Variants in SULT1C2 observed in about 807,000 individuals in gnomAD.
The protein encoded by SULT1C2 is sulfotransferase family 1C member 2.
Under a neutral mutation model 36.0 loss-of-function variants are expected in SULT1C2, and 27 were observed. That is an observed-to-expected ratio of 0.75 (90% CI 0.55 to 1.03). The LOEUF is 1.03. Among genes scored for constraint, SULT1C2 ranks in the 50% least tolerant of loss-of-function variants. The pLI is 0.00. For missense variants in SULT1C2, 395 were observed against 359.2 expected (o/e 1.10, Z -0.80); for synonymous variants, 121 against 116.0 (o/e 1.04, Z -0.27).
At chr2:108,294,900 T>C (rs1036957800) in intron 3 of SULT1C2, among the ~76,000 whole-genome samples, 5 of 152,262 alleles carry the variant, frequency 3.3e-5, no homozygotes, top group Middle Eastern at 3.4e-3. Flanking sequence ...TAAAGAAAGC[T>C]AAAAAATATA....
At chr2:108,305,944 A>T (rs1334078822) in intron 7 of SULT1C2, among the ~76,000 whole-genome samples, 1 of 152,236 alleles carries the variant, frequency 6.6e-6, no homozygotes, top group Non-Finnish European at 1.5e-5. Context: ...CTCAGGGTCC[A>T]GGACTCAGCA....
At position 108,300,937 on chromosome 2, in the gene SULT1C2, T is replaced by G; in HGVS notation, c.375+2T>G. On this transcript the variant is annotated splice_donor_variant, in intron 4 of 7. Coordinates refer to ENST00000251481, the MANE Select transcript of SULT1C2 (RefSeq NM_001056.4). LOFTEE classifies it high-confidence loss of function. ...TCTTTCTGGGAAAACAACTGCAAGG[T>G]AAGATACCAACAGCTCCCTGTGACA... The G allele has an allele frequency of 6.2e-7, 1 of 1,614,064 alleles. No homozygotes were observed. The highest frequency in any genetic ancestry group is 1.1e-5 in the South Asian group (1 of 91,064).
At chr2:108,305,635 T>C in intron 7 of SULT1C2, 40 bp downstream of exon 7, 1 of 1,610,150 alleles carries the variant, frequency 6.2e-7, no homozygotes, top group Non-Finnish European at 8.5e-7. Context: ...GATTGTCTCG[T>C]AACATCCTGT....
intron 6 of SULT1C2, 23 bp from the exon 7 acceptor site, chr2:108,305,392 G>A: frequency 6.2e-7 from 1 of 1,612,566 alleles, no homozygotes. Flanking sequence ...ATTCATTCCA[G>A]TCCAATGTTA....
Position 108,293,815 on chromosome 2 carries a change from G to C in SULT1C2, c.148G>C (p.Ala50Pro). 6.2e-7 allele frequency: 1 copy of C among 1,613,630 alleles called. No individual in the cohort carries two copies. Among genetic ancestry groups the C allele is most frequent in the Non-Finnish European group, 8.5e-7 (1 of 1,179,842 alleles). The part of the protein sequence containing the change: ...DDLLICTYPK[A>P]GTTWIQEIVD... ...TCTCCTCATCTGCACCTACCCTAAA[G>C]CAGGTGATTGCAGGGTAGGAGGGAC... The change falls in exon 2 of 8, where the codon GCA (alanine) becomes CCA (proline). Residue 50 changes from alanine (A) to proline (P), a missense_variant. By Grantham distance (27) the Ala-to-Pro change is conservative. Coordinates refer to ENST00000251481, the MANE Select transcript of SULT1C2 (RefSeq NM_001056.4).
chr2:108,300,489 A>G, intron 3 of SULT1C2: 1 of 363,308 alleles, frequency 2.8e-6, no homozygotes, highest in Non-Finnish European at 4.9e-6. Flanking sequence ...AGCCTGCTGC[A>G]GGCACATGGG....
intron 3 of SULT1C2, among the ~76,000 whole-genome samples, chr2:108,294,912 C>T (rs1676685930): frequency 1.3e-5 from 2 of 152,082 alleles, no homozygotes; most frequent in South Asian, 2.1e-4. Context: ...AAAAATATAA[C>T]CAGAATGCTA....
At chr2:108,296,232 T>A (rs1054516911) in intron 3 of SULT1C2, among the ~76,000 whole-genome samples, 1 of 152,074 alleles carries the variant, frequency 6.6e-6, no homozygotes, top group Non-Finnish European at 1.5e-5. Context: ...GAGAGCAGAG[T>A]GTTCAATCAC....
intron 4 of SULT1C2, 200 bp from the exon 5 acceptor site, chr2:108,304,374 C>G: frequency 2.1e-6 from 1 of 479,050 alleles, no homozygotes; most frequent in East Asian, 3.4e-5. Flanking sequence ...ATTAAAAGGA[C>G]TGAGTTTGAA....
intron 3 of SULT1C2, 92 bp downstream of exon 3, chr2:108,294,446 C>CCCCA (rs1491295828): frequency 8.0e-6 from 5 of 623,262 alleles, no homozygotes; most frequent in Non-Finnish European, 1.2e-5. Context: ...CTCTTCTCTC[C>CCCCA]TCTCTCTCTC....
At chr2:108,294,437 T>G (rs957931063) in intron 3 of SULT1C2, 83 bp downstream of exon 3, 18 of 1,481,708 alleles carry the variant, frequency 1.2e-5, no homozygotes, top group Non-Finnish European at 1.6e-5. Context: ...ACTTTTCTCC[T>G]CTTCTCTCCT....
At chr2:108,304,726 G>C in intron 5 of SULT1C2, 26 bp downstream of exon 5, 1 of 1,593,874 alleles carries the variant, frequency 6.3e-7, no homozygotes, top group Non-Finnish European at 8.5e-7. Context: ...TCACACCCTT[G>C]CATTCTCACT....
chr2:108,305,229 A>G lies in SULT1C2; in HGVS notation c.560A>G (p.His187Arg), dbSNP rs896511076. ...VKGWWEMKDR[H>R]QILFLFYEDI... ...GGATGGTGGGAGATGAAAGACAGAC[A>G]CCAGATTCTCTTCCTCTTCTATGAG... Residue 187 changes from histidine to arginine, a missense_variant, in exon 6 of 8, where the codon CAC becomes CGC. By Grantham distance (29) the His-to-Arg change is conservative. Transcript: ENST00000251481. 3.7e-6 allele frequency: 6 copies of G among 1,614,200 alleles called. No individual in the cohort carries two copies. Among genetic ancestry groups the G allele is most frequent in the Non-Finnish European group, 5.1e-6 (6 of 1,180,034 alleles).
At chr2:108,304,234 A>G (rs1676962554) in intron 4 of SULT1C2, 1 of 175,580 alleles carries the variant, frequency 5.7e-6, no homozygotes. Flanking sequence ...AGGGGTCATC[A>G]GTTTACGTTG....
At chr2:108,304,744 G>C in intron 5 of SULT1C2, 44 bp downstream of exon 5, 1 of 1,580,720 alleles carries the variant, frequency 6.3e-7, no homozygotes, top group Non-Finnish European at 8.6e-7. Context: ...ACTCCAGCTA[G>C]GCTGGGTCTA....
At chr2:108,297,698 G>A (rs1340219206) in intron 3 of SULT1C2, among the ~76,000 whole-genome samples, 1 of 152,160 alleles carries the variant, frequency 6.6e-6, no homozygotes, top group African/African-American at 2.4e-5. Context: ...AGAGAGAGGT[G>A]GGGCGAGGGT....
intron 3 of SULT1C2, chr2:108,298,680 T>C (rs7590599): frequency 0.63 from 235,302 of 374,274 alleles, 76,580 homozygotes; most frequent in African/African-American, 0.83. Context: ...CTGCCCCTGG[T>C]CTTCTTTGCA....
chr2:108,294,660 T>A (rs150012107), intron 3 of SULT1C2, among the ~76,000 whole-genome samples: 2 of 152,262 alleles, frequency 1.3e-5, no homozygotes, highest in African/African-American at 2.4e-5. Context: ...CAACTGTAGA[T>A]CACATTGAAG....
At position 108,289,390 on chromosome 2, in the gene SULT1C2, A is replaced by G. The variant is rs80059606; in HGVS notation, c.-22+320A>G. ...CAGCTCAACTTCTCTGGCCAAGACT[A>G]TTTCTTCTTCCATGACAGCCCTCCT... On this transcript the variant is annotated intron_variant, in intron 1 of 7. Coordinates refer to ENST00000251481, the MANE Select transcript of SULT1C2 (RefSeq NM_001056.4). Among the ~76,000 whole-genome samples, 89 of 152,110 alleles carry G rather than the reference A, an allele frequency of 5.9e-4. No homozygotes were observed. In the East Asian group the frequency reaches 0.016, roughly 28 times the overall value.
Sources: allele counts gnomAD v4.1 joint callset (sites outside exome capture counted in the v4.1 genomes callset), GRCh38; gene constraint gnomAD v4.1.1; transcripts MANE v1.5; gene names NCBI Gene and HGNC (gene_info 2026-07-23, HGNC 2026-07-21).